The following ITPR1 variants were observed in gnomAD, a reference collection of about 807,000 sequenced individuals.
The protein encoded by ITPR1 is inositol 1,4,5-trisphosphate-gated calcium channel ITPR1.
ITPR1 carries 96 observed loss-of-function variants against 318.4 expected under a neutral mutation model. That is an observed-to-expected ratio of 0.30 (90% CI 0.26 to 0.36). The LOEUF (loss-of-function observed/expected upper bound fraction) is 0.36. ITPR1 is among the 10% of genes least tolerant of loss of function. ITPR1 has a pLI of 1.00. For missense variants in ITPR1, 2,440 were observed against 3,460.2 expected (o/e 0.71, Z 7.40); for synonymous variants, 1,312 against 1,289.9 (o/e 1.02, Z -0.37).
In ITPR1 at chr3:4,806,095, G is replaced by T. The variant is rs752652791; in HGVS notation, c.7108-8G>T. On this transcript the variant is annotated splice_region_variant and splice_polypyrimidine_tract_variant and intron_variant, in intron 54 of 61. Coordinates refer to ENST00000649015, the MANE Select transcript of ITPR1 (RefSeq NM_001378452.1). ...GTGCCATCTGACTGTTCCTGTCATTGTTCTCAGGTATGCAATAAAATCATC... is the reference window on the plus strand; with the variant it reads ...GTGCCATCTGACTGTTCCTGTCATTTTTCTCAGGTATGCAATAAAATCATC... 13 of 1,611,860 alleles carry T rather than the reference G, an allele frequency of 8.1e-6. No individual in the cohort carries two copies. Among genetic ancestry groups the T allele is most frequent in the Non-Finnish European group, 1.1e-5 (13 of 1,178,478 alleles).
intron 33 of ITPR1, among the ~76,000 whole-genome samples, chr3:4,696,754 G>A (rs6778261): frequency 0.042 from 6,349 of 150,098 alleles, 480 homozygotes; most frequent in African/African-American, 0.15. Flanking sequence ...TTCTCTGGGG[G>A]TATCTATCAT....
rs2092884179 is a variant in ITPR1, at chr3:4,627,757, T to G, written c.164-6T>G. Reference sequence around the variant, plus strand: ...GGCAATTTCTGTTTGTTTGCTTCACTTCTAGACTGCCTCTTTAAGCTATGT... The same window carrying G: ...GGCAATTTCTGTTTGTTTGCTTCACGTCTAGACTGCCTCTTTAAGCTATGT... On this transcript the variant is annotated splice_polypyrimidine_tract_variant and splice_region_variant and intron_variant, in intron 4 of 61. Transcript: ENST00000649015. 1.3e-6 allele frequency: 2 copies of G among 1,596,296 alleles called. No individual in the cohort carries two copies. The highest frequency in any genetic ancestry group is 1.7e-6 in the Non-Finnish European group (2 of 1,163,906).
At position 4,727,118 on chromosome 3, in the gene ITPR1, C is replaced by T; in HGVS notation, c.5173-8C>T. ...TGTATTAAAATGGAATTTCTGCATG[C>T]CTAGCAGGAGCTTGAACCAAGTCCA... On this transcript the variant is annotated splice_region_variant and splice_polypyrimidine_tract_variant and intron_variant, in intron 41 of 61. Transcript: ENST00000649015. The T allele has an allele frequency of 6.3e-7, 1 of 1,597,504 alleles. No individual in the cohort carries two copies. The highest frequency in any genetic ancestry group is 8.5e-7 in the Non-Finnish European group (1 of 1,178,292).
At chr3:4,823,490 T>A (rs1040228251) in intron 60 of ITPR1, among the ~76,000 whole-genome samples, 4 of 152,072 alleles carry the variant, frequency 2.6e-5, no homozygotes, top group African/African-American at 9.7e-5. Flanking sequence ...AGGAATGAAA[T>A]CCTGTCATTT....
chr3:4,583,919 A>G (rs1233243941), intron 4 of ITPR1, among the ~76,000 whole-genome samples: 2 of 152,168 alleles, frequency 1.3e-5, no homozygotes, highest in Admixed American at 1.3e-4. Context: ...GAAACTAGGT[A>G]CTCACAAAAG....
chr3:4,790,524 C>G (rs1205471252), intron 52 of ITPR1, among the ~76,000 whole-genome samples: 1 of 152,166 alleles, frequency 6.6e-6, no homozygotes, highest in Non-Finnish European at 1.5e-5. Context: ...AAAATAATAA[C>G]TGAATTAACC....
rs73098087 is a variant in ITPR1, at chr3:4,836,911, C to A, written c.8166C>A (p.Gly2722=). Residue 2722 remains glycine, a synonymous_variant, in exon 61 of 62, where the codon GGC becomes GGA. Transcript: ENST00000649015. ...STMKLVTNLS[G]QLSELKDQMT... ...TGAAACTTGTCACGAACCTTTCTGG[C>A]CAGCTGTCGGAATTAAAGGATCAGG... 3.7e-3 allele frequency: 5,915 copies of A among 1,591,108 alleles called. 77 individuals are homozygous for A. The highest frequency in any genetic ancestry group is 0.036 in the African/African-American group (2,720 of 74,588).
chr3:4,689,429 A>G (rs1446532794), intron 31 of ITPR1, among the ~76,000 whole-genome samples: 1 of 152,242 alleles, frequency 6.6e-6, no homozygotes, highest in Non-Finnish European at 1.5e-5. Context: ...AAAGACTCCA[A>G]AATTCAAAAC....
chr3:4,632,294 A>G lies in ITPR1; in HGVS notation c.279+4416A>G, dbSNP rs2093038178. Among the ~76,000 whole-genome samples the G allele has an allele frequency of 1.3e-5, 2 of 152,202 alleles. 1 individual carries two copies. Among genetic ancestry groups the G allele is most frequent in the South Asian group, 4.1e-4 (2 of 4,830 alleles). ...ACTTTGCTTTTCTGGTATAAAGATCATTTTGTTCAGTGAGATCTTATTAAT... is the reference window on the plus strand; with the variant it reads ...ACTTTGCTTTTCTGGTATAAAGATCGTTTTGTTCAGTGAGATCTTATTAAT... On this transcript the variant is annotated intron_variant, in intron 5 of 61. Coordinates refer to ENST00000649015, the MANE Select transcript of ITPR1 (RefSeq NM_001378452.1).
At chr3:4,573,153 G>A (rs939772424) in intron 4 of ITPR1, among the ~76,000 whole-genome samples, 1 of 151,984 alleles carries the variant, frequency 6.6e-6, no homozygotes, top group African/African-American at 2.4e-5. Context: ...GATTTTTTGA[G>A]GAAACTCCAT....
Position 4,846,562 on chromosome 3 carries a change from T to TTTATG in ITPR1, c.*340_*344dup, listed in dbSNP as rs1236500552. On this transcript the variant is annotated 3_prime_UTR_variant, in exon 62 of 62. Coordinates refer to ENST00000649015, the MANE Select transcript of ITPR1 (RefSeq NM_001378452.1). ...GTATTTAAAACTAGAATAGCCAGTATTTATGTTTTTTATAAAACTGTGCAA... is the reference window on the plus strand; with the variant it reads ...GTATTTAAAACTAGAATAGCCAGTATTTATGTTATGTTTTTTATAAAACTGTGCAA... 5.7e-6 allele frequency: 1 copy of TTTATG among 175,420 alleles called. No individual in the cohort carries two copies. The highest frequency in any genetic ancestry group is 1.2e-5 in the Non-Finnish European group (1 of 82,894). The allele number at this position is 175,420 out of a possible 1,614,324, so 10.9% of individuals were successfully genotyped here. A position where few individuals can be genotyped will look rare whatever the true frequency, so the allele number is the denominator to read the frequency against.
At chr3:4,540,837 A>T (rs2084374734) in intron 4 of ITPR1, among the ~76,000 whole-genome samples, 1 of 152,120 alleles carries the variant, frequency 6.6e-6, no homozygotes, top group South Asian at 2.1e-4. Flanking sequence ...CAGGCTCCCA[A>T]AGTACTGGGA....
chr3:4,547,421 A>G (rs1437714830), intron 4 of ITPR1, among the ~76,000 whole-genome samples: 3 of 152,232 alleles, frequency 2.0e-5, no homozygotes, highest in African/African-American at 4.8e-5. Context: ...GTCTTGTGTT[A>G]CTGCTCCTGG....
At chr3:4,595,565 G>A (rs758233076) in intron 4 of ITPR1, among the ~76,000 whole-genome samples, 7 of 152,180 alleles carry the variant, frequency 4.6e-5, no homozygotes, top group Non-Finnish European at 1.0e-4. Context: ...CTTAGACTCA[G>A]CATAAGACCT....
At chr3:4,778,793 T>C (rs770608178) in intron 48 of ITPR1, among the ~76,000 whole-genome samples, 19 of 152,076 alleles carry the variant, frequency 1.2e-4, no homozygotes, top group Non-Finnish European at 2.1e-4. Flanking sequence ...TCAACTGCTG[T>C]GACCTAAACT....
intron 7 of ITPR1, 122 bp from the exon 8 acceptor site, chr3:4,644,014 C>T (rs551532358): frequency 1.5e-6 from 1 of 672,512 alleles, no homozygotes; most frequent in Non-Finnish European, 2.8e-6. Context: ...CATCTTTATA[C>T]TTGCTGGGGA....
At chr3:4,753,914 G>A (rs2044742806) in intron 44 of ITPR1, among the ~76,000 whole-genome samples, 1 of 152,130 alleles carries the variant, frequency 6.6e-6, no homozygotes, top group Non-Finnish European at 1.5e-5. Context: ...GGGAACTGAG[G>A]ATGGAAGTTA....
intron 4 of ITPR1, among the ~76,000 whole-genome samples, chr3:4,576,539 G>T (rs1360192761): frequency 2.6e-5 from 4 of 152,216 alleles, no homozygotes; most frequent in African/African-American, 7.2e-5. Context: ...ATAGCATTCA[G>T]TGAAGAGGCA....
chr3:4,563,122 G>A (rs1017551045), intron 4 of ITPR1, among the ~76,000 whole-genome samples: 4 of 152,156 alleles, frequency 2.6e-5, no homozygotes, highest in African/African-American at 7.2e-5. Flanking sequence ...ATGTAGGTAC[G>A]TGCAGTGTTG....
Sources: gnomAD v4.1 joint callset for allele counts (sites outside exome capture counted in the v4.1 genomes callset) on GRCh38, gnomAD v4.1.1 for gene constraint, MANE v1.5 for transcripts, NCBI Gene and HGNC (gene_info 2026-07-23, HGNC 2026-07-21) for gene names.